The following DERA variants were observed in gnomAD, a reference collection of about 807,000 sequenced individuals.
DERA encodes deoxyribose-phosphate aldolase.
Under a neutral mutation model 41.1 loss-of-function variants are expected in DERA, and 15 were observed. That is an observed-to-expected ratio of 0.37 (90% CI 0.24 to 0.56). The LOEUF is 0.56. DERA is among the 20% of genes least tolerant of loss of function. The probability of loss-of-function intolerance (pLI) is 0.81; values close to 1 mark genes in which losing one functional copy is unlikely to be tolerated. For missense variants in DERA, 396 were observed against 403.4 expected, an observed-to-expected ratio of 0.98 and a Z score of 0.16; for synonymous variants, 139 against 137.4, an observed-to-expected ratio of 1.01 and a Z score of -0.08.
chr12:15,971,508 CTTTTTTTTTTTTTTT>C (rs56142412), intron 5 of DERA, among the ~76,000 whole-genome samples: 31 of 97,062 alleles, frequency 3.2e-4, no homozygotes, highest in Non-Finnish European at 4.8e-4. Flanking sequence ...TATCTCAACT[CTTTTTTTTTTTTTTT>C]TTTTTTTTTT....
In DERA at chr12:15,931,406, T is replaced by A. The variant is rs928096476; in HGVS notation, c.31+19992T>A. On this transcript the variant is annotated intron_variant, in intron 1 of 8. Coordinates refer to ENST00000428559, the MANE Select transcript of DERA (RefSeq NM_015954.4). The surrounding 1 kb of genome is among the most constrained non-coding windows in gnomAD (Gnocchi z 4.6). ...TTAAATCTTTTCAAAGCACTGAGAG[T>A]TGACTCTTTACCCAACAGGGGGCCA... 1.3e-5 allele frequency among the ~76,000 whole-genome samples: 2 copies of A among 152,148 alleles called. No individual in the cohort carries two copies. Among genetic ancestry groups the A allele is most frequent in the African/African-American group, 2.4e-5 (1 of 41,430 alleles).
chr12:15,944,298 C>T (rs534271559), intron 1 of DERA, among the ~76,000 whole-genome samples: 43 of 152,278 alleles, frequency 2.8e-4, no homozygotes, highest in African/African-American at 9.1e-4. Flanking sequence ...CTTGAGGAGT[C>T]GCCACACTGT....
rs535628673 is a variant in DERA at position 15,938,048 on chromosome 12, C to G, written c.32-18888C>G. On this transcript the variant is annotated intron_variant, in intron 1 of 8. Coordinates refer to ENST00000428559, the MANE Select transcript of DERA (RefSeq NM_015954.4). This position sits in a 1 kb window ranked among gnomAD's most constrained non-coding sequence, Gnocchi z 4.1. Reference sequence around the variant, plus strand: ...AATAATTCAACTATCACAACATAACCACTGGATTATGTGCCAGGGCCTGAT... The same window carrying G: ...AATAATTCAACTATCACAACATAACGACTGGATTATGTGCCAGGGCCTGAT... Among the ~76,000 whole-genome samples, 175 of 152,236 alleles carry G rather than the reference C, an allele frequency of 1.1e-3. 1 individual carries two copies. Among genetic ancestry groups the G allele is most frequent in the African/African-American group, 4.1e-3 (169 of 41,548 alleles).
Position 16,019,543 on chromosome 12 carries a change from C to T in DERA, c.638-12999C>T, listed in dbSNP as rs540620952. 1.3e-5 allele frequency among the ~76,000 whole-genome samples: 2 copies of T among 152,302 alleles called. No homozygotes were observed. The highest frequency in any genetic ancestry group is 3.9e-4 in the East Asian group (2 of 5,180). On this transcript the variant is annotated intron_variant, in intron 6 of 8. Coordinates refer to ENST00000428559, the MANE Select transcript of DERA (RefSeq NM_015954.4). The surrounding 1 kb of genome is among the most constrained non-coding windows in gnomAD (Gnocchi z 4.4). ...TTCATATATCTGTGTATATGTCCCT[C>T]CTCCCACCTCACCTCCAACACAGAC...
At position 15,982,210 on chromosome 12, in the gene DERA, T is replaced by C; in HGVS notation, c.509-98T>C. On this transcript the variant is annotated intron_variant, in intron 5 of 8. Coordinates refer to ENST00000428559, the MANE Select transcript of DERA (RefSeq NM_015954.4). This position sits in a 1 kb window ranked among gnomAD's most constrained non-coding sequence, Gnocchi z 4.0. ...TTAGAAAGTGACAAATGTTTTATGTTTCCTAAATGTGAAATGGGTTCCACC... is the reference window on the plus strand; with the variant it reads ...TTAGAAAGTGACAAATGTTTTATGTCTCCTAAATGTGAAATGGGTTCCACC... 8.2e-7 allele frequency: 1 copy of C among 1,217,016 alleles called. No individual in the cohort carries two copies. Among genetic ancestry groups the C allele is most frequent in the Non-Finnish European group, 1.1e-6 (1 of 880,560 alleles). The allele number at this position is 1,217,016 out of a possible 1,614,324, so 75.4% of individuals were successfully genotyped here.
rs539638061 is a variant in DERA, at chr12:16,030,658, C to T, written c.638-1884C>T. Among the ~76,000 whole-genome samples, 3 of 152,320 alleles carry T rather than the reference C, an allele frequency of 2.0e-5. No individual in the cohort carries two copies. The South Asian group carries it at 6.2e-4, about 32-fold the overall frequency. On this transcript the variant is annotated intron_variant, in intron 6 of 8. Transcript: ENST00000428559. ...ACTCTTTAAATATAGCTGCCCCTCA[C>T]CAACTCCATCACTCTCTATCTCATT...
chr12:15,948,546 C>T (rs1948469919), intron 1 of DERA, among the ~76,000 whole-genome samples: 1 of 152,148 alleles, frequency 6.6e-6, no homozygotes, highest in South Asian at 2.1e-4. Flanking sequence ...TTTTCAGCTC[C>T]ATCAGGTCAT....
chr12:16,007,253 G>A (rs1308473793), intron 6 of DERA, among the ~76,000 whole-genome samples: 1 of 144,066 alleles, frequency 6.9e-6, no homozygotes, highest in African/African-American at 2.5e-5. Flanking sequence ...GCGCGATCTT[G>A]GCTCACTGCA....
intron 6 of DERA, among the ~76,000 whole-genome samples, chr12:16,031,312 TAC>T: frequency 6.6e-6 from 1 of 152,352 alleles, no homozygotes; most frequent in Admixed American, 6.5e-5. Flanking sequence ...ATATGCCTTA[TAC>T]ACAGTGTGCT....
At chr12:15,951,938 G>C (rs546313094) in intron 1 of DERA, among the ~76,000 whole-genome samples, 29 of 149,346 alleles carry the variant, frequency 1.9e-4, no homozygotes, top group African/African-American at 6.9e-4. Flanking sequence ...GTCTTGCTCT[G>C]TTGCCCAGGC....
chr12:15,958,694 C>A (rs1331554009), intron 3 of DERA, among the ~76,000 whole-genome samples: 1 of 152,036 alleles, frequency 6.6e-6, no homozygotes, highest in Non-Finnish European at 1.5e-5. Context: ...ACTTAATAAT[C>A]ACATCTCATA....
chr12:16,018,192 G>A (rs59210144), intron 6 of DERA, among the ~76,000 whole-genome samples: 11,623 of 152,102 alleles, frequency 0.076, 1,320 homozygotes, highest in African/African-American at 0.24. Flanking sequence ...CTTAATACTA[G>A]TTTTTAATCT....
chr12:15,933,007 T>C (rs1219283865), intron 1 of DERA, among the ~76,000 whole-genome samples: 1 of 152,244 alleles, frequency 6.6e-6, no homozygotes, highest in African/African-American at 2.4e-5. Context: ...ATTTCCTTCT[T>C]TTTCAAGGCT....
rs563321449 is a variant in DERA, at chr12:15,943,737, ATTTT to A, written c.32-13198_32-13195del. 1.5e-3 allele frequency among the ~76,000 whole-genome samples: 207 copies of A among 142,362 alleles called. 1 individual carries two copies. Among genetic ancestry groups the A allele is most frequent in the African/African-American group, 5.4e-3 (202 of 37,514 alleles). The allele number at this position is 142,362 out of a possible 152,430, so 93.4% of individuals were successfully genotyped here. A position where few individuals can be genotyped will look rare whatever the true frequency, so the allele number is the denominator to read the frequency against. On this transcript the variant is annotated intron_variant, in intron 1 of 8. Transcript: ENST00000428559. This position sits in a 1 kb window ranked among gnomAD's most constrained non-coding sequence, Gnocchi z 4.5. The stretch of plus-strand genomic sequence containing the variant: ...TATTTATTTATTTATTTATTTATTT[ATTTT>A]ATTATACTTTAAGTTCTAGGATACA...
chr12:16,022,824 TGA>T (rs1949025463), intron 6 of DERA, among the ~76,000 whole-genome samples: 1 of 152,186 alleles, frequency 6.6e-6, no homozygotes, highest in African/African-American at 2.4e-5. Flanking sequence ...TACTGGAGGC[TGA>T]GTGTGGCCCC....
At chr12:15,939,381 T>C (rs571636795) in intron 1 of DERA, among the ~76,000 whole-genome samples, 94 of 152,284 alleles carry the variant, frequency 6.2e-4, no homozygotes, top group Non-Finnish European at 9.7e-4. Flanking sequence ...AGCCACAATG[T>C]TTTGTGGTGG....
intron 6 of DERA, among the ~76,000 whole-genome samples, chr12:16,022,827 G>T (rs997687073): frequency 6.6e-6 from 1 of 152,162 alleles, no homozygotes; most frequent in East Asian, 1.9e-4. Context: ...TGGAGGCTGA[G>T]TGTGGCCCCC....
rs1160539835 is a variant in DERA, at chr12:15,913,135, A to G, written c.31+1721A>G. On this transcript the variant is annotated intron_variant, in intron 1 of 8. Coordinates refer to ENST00000428559, the MANE Select transcript of DERA (RefSeq NM_015954.4). The surrounding 1 kb of genome is among the most constrained non-coding windows in gnomAD (Gnocchi z 4.5). The stretch of plus-strand genomic sequence containing the variant: ...ACATTTTAAATTTTTCTTTCAAAAA[A>G]CATAATTGAACCATTTTTAAATTTA... Among the ~76,000 whole-genome samples, 1 of 152,254 alleles carries G rather than the reference A, an allele frequency of 6.6e-6. No homozygotes were observed. Among genetic ancestry groups the G allele is most frequent in the Non-Finnish European group, 1.5e-5 (1 of 68,044 alleles).
At position 15,941,825 on chromosome 12, in the gene DERA, A is replaced by G. The variant is rs1308883659; in HGVS notation, c.32-15111A>G. Among the ~76,000 whole-genome samples the G allele has an allele frequency of 2.0e-5, 3 of 152,258 alleles. No individual in the cohort carries two copies. Among genetic ancestry groups the G allele is most frequent in the African/African-American group, 7.2e-5 (3 of 41,464 alleles). ...CTTTGCATTTGCAAAATGTGCTGCA[A>G]TAAACATACATGTGCATGTTGTCTT... On this transcript the variant is annotated intron_variant, in intron 1 of 8. Coordinates refer to ENST00000428559, the MANE Select transcript of DERA (RefSeq NM_015954.4). The surrounding 1 kb of genome is among the most constrained non-coding windows in gnomAD (Gnocchi z 4.5).
Sources: gnomAD v4.1 joint callset for allele counts (sites outside exome capture counted in the v4.1 genomes callset) on GRCh38, gnomAD v4.1.1 for gene constraint, Gnocchi (gnomAD v3.1) non-coding constraint, MANE v1.5 for transcripts, NCBI Gene and HGNC (gene_info 2026-07-23, HGNC 2026-07-21) for gene names.